Variants in ADAMTSL1 observed in about 807,000 individuals in gnomAD.
ADAMTSL1 encodes the protein ADAMTS like 1.
A neutral mutation model predicts 201.8 loss-of-function variants in ADAMTSL1; 126 were observed. That is an observed-to-expected ratio of 0.62 (90% confidence interval 0.54 to 0.72). The LOEUF is 0.72. Among genes scored for constraint, ADAMTSL1 ranks in the 30% least tolerant of loss-of-function variants. ADAMTSL1 has a pLI of 0.00. For missense variants in ADAMTSL1, 2,679 were observed against 2,277.8 expected (o/e 1.18, Z -3.59); for synonymous variants, 1,121 against 903.4 (o/e 1.24, Z -4.32).
At chr9:18,200,482 C>T (rs1829394988) in intron 2 of ADAMTSL1, among the ~76,000 whole-genome samples, 1 of 152,028 alleles carries the variant, frequency 6.6e-6, no homozygotes, top group Non-Finnish European at 1.5e-5. Flanking sequence ...CATTACATAA[C>T]CCAAACACAG....
chr9:18,064,272 A>G (rs1292415270), intron 1 of ADAMTSL1, among the ~76,000 whole-genome samples: 1 of 152,052 alleles, frequency 6.6e-6, no homozygotes, highest in African/African-American at 2.4e-5. Context: ...GTCTGTAGGG[A>G]CATGCAGAGG....
intron 1 of ADAMTSL1, among the ~76,000 whole-genome samples, chr9:17,947,464 A>G (rs1410692342): frequency 1.3e-5 from 2 of 151,882 alleles, no homozygotes; most frequent in East Asian, 3.9e-4. Context: ...AGTAAAAACC[A>G]TGTTTTTACT....
At chr9:18,019,582 C>G (rs970606615) in intron 1 of ADAMTSL1, among the ~76,000 whole-genome samples, 44 of 152,040 alleles carry the variant, frequency 2.9e-4, no homozygotes, top group Non-Finnish European at 1.0e-4. Context: ...GTCTCTCAGC[C>G]ATCTCAGCAG....
intron 1 of ADAMTSL1, among the ~76,000 whole-genome samples, chr9:18,010,090 G>A (rs373126142): frequency 6.6e-6 from 1 of 151,960 alleles, no homozygotes; most frequent in Non-Finnish European, 1.5e-5. Flanking sequence ...TACCCATGGG[G>A]GCAGTCTAGA....
chr9:18,536,814 C>G (rs1256771836), intron 3 of ADAMTSL1, among the ~76,000 whole-genome samples: 1 of 152,128 alleles, frequency 6.6e-6, no homozygotes, highest in Admixed American at 6.5e-5. Context: ...GAAGGAGGCT[C>G]TTAAAAAGGT....
intron 1 of ADAMTSL1, among the ~76,000 whole-genome samples, chr9:17,927,274 A>G (rs1348630162): frequency 6.6e-6 from 1 of 152,230 alleles, no homozygotes; most frequent in Non-Finnish European, 1.5e-5. Flanking sequence ...ATTCCACTGC[A>G]TGAATGTATA....
chr9:18,391,800 C>T (rs66591822), intron 2 of ADAMTSL1, among the ~76,000 whole-genome samples: 7,565 of 147,670 alleles, frequency 0.051, 251 homozygotes, highest in Non-Finnish European at 0.074. Flanking sequence ...CCTGAATCAA[C>T]TACTTTTTTT....
intron 2 of ADAMTSL1, among the ~76,000 whole-genome samples, chr9:18,355,259 A>G (rs1351384921): frequency 2.0e-5 from 3 of 152,072 alleles, no homozygotes; most frequent in Non-Finnish European, 4.4e-5. Flanking sequence ...GGTCCTTCAA[A>G]CTCTAGAAGA....
chr9:18,678,220 A>G (rs1219764279), intron 10 of ADAMTSL1, among the ~76,000 whole-genome samples: 1 of 152,156 alleles, frequency 6.6e-6, no homozygotes, highest in South Asian at 2.1e-4. Flanking sequence ...ATTAAAAGCC[A>G]AAAGAGGCTA....
chr9:18,546,493 A>T (rs1259965551), intron 3 of ADAMTSL1, among the ~76,000 whole-genome samples: 2 of 152,084 alleles, frequency 1.3e-5, no homozygotes, highest in Non-Finnish European at 2.9e-5. Flanking sequence ...TAGCTCTTTA[A>T]CACCCGTATC....
intron 5 of ADAMTSL1, among the ~76,000 whole-genome samples, chr9:18,627,684 A>G (rs1194244358): frequency 1.3e-5 from 2 of 152,206 alleles, no homozygotes; most frequent in Non-Finnish European, 2.9e-5. Context: ...TGCCTCTTCC[A>G]TATTAAAGAA....
Position 17,940,807 on chromosome 9 carries a change from C to CCCT in ADAMTSL1, c.87+33887_87+33888insTCC. ...TAAAAATAAAAGTAAATAACACCCC[C>CCCT]CCCCCAAAAAAAAGAAAGAAATAAC... On this transcript the variant is annotated intron_variant, in intron 1 of 29. Coordinates refer to the ADAMTSL1 transcript ENST00000680146. Among the ~76,000 whole-genome samples the CCCT allele has an allele frequency of 3.2e-5, 2 of 62,008 alleles. 1 individual carries two copies. The highest frequency in any genetic ancestry group is 4.5e-3 in the East Asian group (2 of 442). The allele number at this position is 62,008 out of a possible 152,430, so 40.7% of individuals were successfully genotyped here. A position where few individuals can be genotyped will look rare whatever the true frequency, so the allele number is the denominator to read the frequency against.
intron 1 of ADAMTSL1, among the ~76,000 whole-genome samples, chr9:18,106,298 A>G (rs1196838162): frequency 1.3e-5 from 2 of 152,196 alleles, no homozygotes; most frequent in African/African-American, 4.8e-5. Flanking sequence ...CTAAACTGGG[A>G]TTGCTGGCCC....
rs568950212 is a variant in ADAMTSL1, at chr9:18,730,368, G to A, written c.2006+8703G>A. ...GAGGGAGTGAAAAAGAGAATGCTCT[G>A]ATTTGTATCCAGTAATCTGGCCGAT... On this transcript the variant is annotated intron_variant, in intron 15 of 28. Coordinates refer to ENST00000380548, the MANE Select transcript of ADAMTSL1 (RefSeq NM_001040272.6). Among the ~76,000 whole-genome samples, 64 of 152,354 alleles carry A rather than the reference G, an allele frequency of 4.2e-4. 1 individual carries two copies. In the South Asian group the frequency reaches 0.013, roughly 31 times the overall value.
chr9:18,897,329 T>G (rs2131586908), intron 26 of ADAMTSL1, among the ~76,000 whole-genome samples: 1 of 152,176 alleles, frequency 6.6e-6, no homozygotes, highest in East Asian at 1.9e-4. Flanking sequence ...AAGGAAGGGT[T>G]CCCCACAACA....
intron 2 of ADAMTSL1, among the ~76,000 whole-genome samples, chr9:18,234,902 T>C (rs1830780302): frequency 6.6e-6 from 1 of 152,224 alleles, no homozygotes; most frequent in Non-Finnish European, 1.5e-5. Flanking sequence ...CATTTTACTA[T>C]AGAATAGTTT....
At chr9:18,093,092 A>G (rs932956002) in intron 1 of ADAMTSL1, among the ~76,000 whole-genome samples, 2 of 152,234 alleles carry the variant, frequency 1.3e-5, no homozygotes, top group Non-Finnish European at 2.9e-5. Flanking sequence ...ATGGTCATTC[A>G]TAGTGGAACT....
At chr9:18,812,495 A>T (rs555421794) in intron 20 of ADAMTSL1, among the ~76,000 whole-genome samples, 1 of 152,316 alleles carries the variant, frequency 6.6e-6, no homozygotes, top group South Asian at 2.1e-4. Flanking sequence ...TTAGAAAAAA[A>T]TAGGAAAAAT....
At chr9:18,791,511 A>T (rs1180885939) in intron 19 of ADAMTSL1, among the ~76,000 whole-genome samples, 2 of 152,096 alleles carry the variant, frequency 1.3e-5, no homozygotes, top group African/African-American at 4.8e-5. Context: ...TCCCAAAGGG[A>T]TTATAGGGTG....
Sources: gnomAD v4.1 joint callset for allele counts (sites outside exome capture counted in the v4.1 genomes callset) on GRCh38, gnomAD v4.1.1 for gene constraint, MANE v1.5 for transcripts, NCBI Gene and HGNC (gene_info 2026-07-23, HGNC 2026-07-21) for gene names.